GAP43: variants seen among roughly 807,000 people sequenced by gnomAD.
GAP43 encodes the protein growth associated protein 43.
GAP43 carries 6 observed loss-of-function variants against 18.6 expected under a neutral mutation model. The observed-to-expected ratio is 0.32, with a 90% confidence interval of 0.18 to 0.64. The LOEUF (loss-of-function observed/expected upper bound fraction) is 0.64. Among genes scored for constraint, GAP43 ranks in the 30% least tolerant of loss-of-function variants. The probability of loss-of-function intolerance (pLI) is 0.78; values close to 1 mark genes in which losing one functional copy is unlikely to be tolerated. For missense variants in GAP43, 292 were observed against 295.5 expected (o/e 0.99, Z 0.09); for synonymous variants, 115 against 111.4 (o/e 1.03, Z -0.20).
intron 2 of GAP43, among the ~76,000 whole-genome samples, chr3:115,701,794 A>G (rs1196964813): frequency 6.6e-6 from 1 of 152,064 alleles, no homozygotes; most frequent in East Asian, 1.9e-4. Context: ...CCACCCCGCC[A>G]ACCTGTCCTT....
intron 1 of GAP43, among the ~76,000 whole-genome samples, chr3:115,673,414 T>A (rs1319776820): frequency 2.0e-5 from 3 of 152,248 alleles, no homozygotes. Context: ...ATGTTAGCTT[T>A]CTTGAGTCAC....
At position 115,676,294 on chromosome 3, in the gene GAP43, A is replaced by G; in HGVS notation, c.312A>G (p.Ala104=). The G allele has an allele frequency of 6.2e-7, 1 of 1,614,164 alleles. No homozygotes were observed. The highest frequency in any genetic ancestry group is 8.5e-7 in the Non-Finnish European group (1 of 1,180,020). The change falls in exon 2 of 3, where the codon GCA becomes GCG. Residue 104 remains alanine (A), a synonymous_variant. Coordinates refer to ENST00000305124, the MANE Select transcript of GAP43 (RefSeq NM_002045.4). ...TGSKPDEPGK[A]GETPSEEKKG... is the part of the protein sequence containing the mutation. ...CCAAGCCTGATGAGCCCGGCAAAGC[A>G]GGAGAAACTCCTTCCGAGGAGAAGA...
intron 1 of GAP43, among the ~76,000 whole-genome samples, chr3:115,625,792 G>C (rs1708180206): frequency 6.6e-6 from 1 of 152,142 alleles, no homozygotes; most frequent in Non-Finnish European, 1.5e-5. Context: ...ATTGTGTTTA[G>C]AGTTGTAGAA....
chr3:115,671,188 TTGAATGC>T (rs1708811642), intron 1 of GAP43, among the ~76,000 whole-genome samples: 1 of 152,188 alleles, frequency 6.6e-6, no homozygotes, highest in South Asian at 2.1e-4. Flanking sequence ...TTGTAACATA[TTGAATGC>T]AAATGTTTGG....
chr3:115,624,060 T>C (rs1708151757), intron 1 of GAP43, among the ~76,000 whole-genome samples: 1 of 151,272 alleles, frequency 6.6e-6, no homozygotes, highest in Admixed American at 6.6e-5. Context: ...ATGTGGGCTC[T>C]ACCTACAAGA....
At position 115,679,058 on chromosome 3, in the gene GAP43, AT is replaced by A. The variant is rs768779887; in HGVS notation, c.628+2452del. Among the ~76,000 whole-genome samples, 15 of 152,052 alleles carry A rather than the reference AT, an allele frequency of 9.9e-5. No individual in the cohort carries two copies. In the East Asian group the frequency reaches 1.9e-3, roughly 20 times the overall value. On this transcript the variant is annotated intron_variant, in intron 2 of 2. Transcript: ENST00000305124. Reference sequence around the variant, plus strand: ...TTTCCTCTGCCTTCCACTGTATTTCATTTTAACCTGGGTTAAAGTAGCAGCA... The same window carrying A: ...TTTCCTCTGCCTTCCACTGTATTTCATTTAACCTGGGTTAAAGTAGCAGCA...
At chr3:115,673,237 GAA>G (rs1479181888) in intron 1 of GAP43, among the ~76,000 whole-genome samples, 2 of 152,296 alleles carry the variant, frequency 1.3e-5, no homozygotes, top group Admixed American at 6.5e-5. Context: ...GAGAGAGAGA[GAA>G]AGAGAAAGAG....
intron 2 of GAP43, among the ~76,000 whole-genome samples, chr3:115,716,245 G>A (rs561258330): frequency 6.6e-6 from 1 of 152,246 alleles, no homozygotes; most frequent in South Asian, 2.1e-4. Flanking sequence ...ACATCAGTGG[G>A]AGAATAAGCT....
In GAP43 at chr3:115,701,670, A is replaced by G. The variant is rs1189071121; in HGVS notation, c.629-19124A>G. On this transcript the variant is annotated intron_variant, in intron 2 of 2. Coordinates refer to ENST00000305124, the MANE Select transcript of GAP43 (RefSeq NM_002045.4). ...AGATTTCCCCAAATGTCCATGGTTG[A>G]TTTACATTGGACTTTTTTAGTTGCT... 4.6e-5 allele frequency among the ~76,000 whole-genome samples: 7 copies of G among 152,002 alleles called. 1 individual carries two copies. Among genetic ancestry groups the G allele is most frequent in the Admixed American group, 3.9e-4 (6 of 15,236 alleles).
At chr3:115,711,337 A>T (rs1285849747) in intron 2 of GAP43, among the ~76,000 whole-genome samples, 1 of 152,202 alleles carries the variant, frequency 6.6e-6, no homozygotes, top group Non-Finnish European at 1.5e-5. Flanking sequence ...GCAAAGTGCT[A>T]TGAGCCAACA....
At chr3:115,650,600 G>A (rs141795331) in intron 1 of GAP43, among the ~76,000 whole-genome samples, 1 of 152,002 alleles carries the variant, frequency 6.6e-6, no homozygotes, top group Non-Finnish European at 1.5e-5. Context: ...AGATCTTTAT[G>A]GTTCTTATGG....
At chr3:115,661,613 C>T (rs994959622) in intron 1 of GAP43, among the ~76,000 whole-genome samples, 4 of 152,076 alleles carry the variant, frequency 2.6e-5, no homozygotes, top group East Asian at 1.9e-4. Context: ...CTCAGCCTCC[C>T]GAGTAGCCGG....
At chr3:115,646,509 A>G (rs1263352208) in intron 1 of GAP43, among the ~76,000 whole-genome samples, 2 of 152,088 alleles carry the variant, frequency 1.3e-5, no homozygotes, top group African/African-American at 2.4e-5. Context: ...TAATTGCCTA[A>G]TAGGCAATAT....
intron 2 of GAP43, among the ~76,000 whole-genome samples, chr3:115,712,467 G>C (rs1025524041): frequency 6.6e-6 from 1 of 152,092 alleles, no homozygotes; most frequent in African/African-American, 2.4e-5. Flanking sequence ...TAGGTTGAGT[G>C]AATTTCTCAA....
intron 1 of GAP43, among the ~76,000 whole-genome samples, chr3:115,640,900 CTTTT>C (rs1198523328): frequency 6.6e-6 from 1 of 151,256 alleles, no homozygotes; most frequent in African/African-American, 2.4e-5. Context: ...CTTTCTTTCT[CTTTT>C]TTCTTTTTCT....
chr3:115,714,644 A>G (rs572186605), intron 2 of GAP43, among the ~76,000 whole-genome samples: 12 of 152,168 alleles, frequency 7.9e-5, no homozygotes, highest in Non-Finnish European at 1.3e-4. Flanking sequence ...CCCTAAAAGG[A>G]AAAAAAGCCT....
chr3:115,623,704 G>A lies in GAP43; in HGVS notation c.15G>A (p.Met5Ile), dbSNP rs1447666365. MLCCMRRTKQVEKND... is the reference protein window; with the variant it reads MLCCIRRTKQVEKND... The stretch of plus-strand genomic sequence containing the variant: ...ACGAGACAACCATGCTGTGCTGTAT[G>A]AGAAGAACCAAACAGGTAGAGCTAA... Residue 5 changes from methionine (M) to isoleucine (I), a missense_variant, in exon 1 of 3, where the codon ATG becomes ATA. Transcript: ENST00000305124. 1.2e-6 allele frequency: 2 copies of A among 1,614,190 alleles called. No individual in the cohort carries two copies. Among genetic ancestry groups the A allele is most frequent in the African/African-American group, 1.3e-5 (1 of 75,072 alleles).
chr3:115,681,313 G>A (rs1708955332), intron 2 of GAP43, among the ~76,000 whole-genome samples: 1 of 152,152 alleles, frequency 6.6e-6, no homozygotes, highest in Non-Finnish European at 1.5e-5. Context: ...ACAAAATGAG[G>A]ATCAAACTGA....
At position 115,720,786 on chromosome 3, in the gene GAP43, T is replaced by A. The variant is rs766075446; in HGVS notation, c.629-8T>A. ...TTTCCCCCCATCCTATCTTGTTTTC[T>A]TTCTCAGAAGCTGTAGATGAAACCA... On this transcript the variant is annotated splice_region_variant and splice_polypyrimidine_tract_variant and intron_variant, in intron 2 of 2. Coordinates refer to ENST00000305124, the MANE Select transcript of GAP43 (RefSeq NM_002045.4). 27 of 1,607,954 alleles carry A rather than the reference T, an allele frequency of 1.7e-5. No individual in the cohort carries two copies. Among genetic ancestry groups the A allele is most frequent in the Non-Finnish European group, 1.9e-5 (22 of 1,175,350 alleles).
Sources: gnomAD v4.1 joint callset for allele counts (sites outside exome capture counted in the v4.1 genomes callset) on GRCh38, gnomAD v4.1.1 for gene constraint, MANE v1.5 for transcripts, NCBI Gene and HGNC (gene_info 2026-07-23, HGNC 2026-07-21) for gene names.